Variants in NFIX observed in about 807,000 individuals in gnomAD.
The protein encoded by NFIX is nuclear factor 1 X-type.
NFIX carries 2 observed loss-of-function variants against 53.3 expected under a neutral mutation model. That is an observed-to-expected ratio of 0.04 (90% CI 0.02 to 0.12). The LOEUF (loss-of-function observed/expected upper bound fraction) is 0.12, where lower values mean the gene tolerates loss of function less well. Ranked by LOEUF, NFIX falls within the 10% of genes least tolerant of loss-of-function variation. The probability of loss-of-function intolerance (pLI) is 1.00; values close to 1 mark genes in which losing one functional copy is unlikely to be tolerated. For missense variants in NFIX, 310 were observed against 674.5 expected (o/e 0.46, Z 5.99); for synonymous variants, 244 against 289.0 (o/e 0.84, Z 1.58).
At chr19:13,054,670 C>A (rs2015538588) in intron 2 of NFIX, among the ~76,000 whole-genome samples, 1 of 152,134 alleles carries the variant, frequency 6.6e-6, no homozygotes, top group Admixed American at 6.5e-5. Context: ...CCCCCAGCCC[C>A]TCCTGGCATC....
chr19:13,087,917 G>A (rs2017884108), intron 8 of NFIX, 72 bp from the exon 9 acceptor site: 5 of 1,519,780 alleles, frequency 3.3e-6, no homozygotes, highest in Non-Finnish European at 3.5e-6. Flanking sequence ...GCGAGCTGGC[G>A]CGGCCGCGCA....
Position 13,002,378 on chromosome 19 carries a change from C to G in NFIX, c.27+6514C>G, listed in dbSNP as rs557794800. Reference sequence around the variant, plus strand: ...AAGAAGGGCTAGCTCCCCAACCCCCCCTTCCTCACCACCTCCCCCCTCCCG... The same window carrying G: ...AAGAAGGGCTAGCTCCCCAACCCCCGCTTCCTCACCACCTCCCCCCTCCCG... On this transcript the variant is annotated intron_variant, in intron 1 of 10. Coordinates refer to ENST00000592199, the MANE Select transcript of NFIX (RefSeq NM_001365902.3). The surrounding 1 kb of genome is among the most constrained non-coding windows in gnomAD (Gnocchi z 6.1). 4.3e-4 allele frequency among the ~76,000 whole-genome samples: 66 copies of G among 152,202 alleles called. No individual in the cohort carries two copies. Among genetic ancestry groups the G allele is most frequent in the Admixed American group, 4.6e-4 (7 of 15,304 alleles).
chr19:13,031,942 C>T (rs1280263302), intron 2 of NFIX, among the ~76,000 whole-genome samples: 1 of 152,174 alleles, frequency 6.6e-6, no homozygotes, highest in African/African-American at 2.4e-5. Context: ...CTCCCCACCC[C>T]TTTTTCTCTT....
In NFIX at chr19:13,045,645, G is replaced by A. The variant is rs1474071943; in HGVS notation, c.559+20093G>A. ...TCAGCAGTCTGTTGCCAGGGAGGTAGGAGAGAGGGGCAGCAGGCACACTGG... is the reference window on the plus strand; with the variant it reads ...TCAGCAGTCTGTTGCCAGGGAGGTAAGAGAGAGGGGCAGCAGGCACACTGG... On this transcript the variant is annotated intron_variant, in intron 2 of 10. Coordinates refer to ENST00000592199, the MANE Select transcript of NFIX (RefSeq NM_001365902.3). The surrounding 1 kb of genome is among the most constrained non-coding windows in gnomAD (Gnocchi z 4.4). 6.6e-6 allele frequency among the ~76,000 whole-genome samples: 1 copy of A among 152,204 alleles called. No individual in the cohort carries two copies. Among genetic ancestry groups the A allele is most frequent in the African/African-American group, 2.4e-5 (1 of 41,440 alleles).
At position 13,025,736 on chromosome 19, in the gene NFIX, C is replaced by T. The variant is rs796447037; in HGVS notation, c.559+184C>T. ...CCTTTTTCCTGTCTTCTGTCTCCCC[C>T]GACCTGTTCTATTCTTCCTCCTCTG... On this transcript the variant is annotated intron_variant, in intron 2 of 10. Transcript: ENST00000592199. This position sits in a 1 kb window ranked among gnomAD's most constrained non-coding sequence, Gnocchi z 7.5. Among the ~76,000 whole-genome samples the T allele has an allele frequency of 5.9e-5, 9 of 152,302 alleles. No homozygotes were observed. The highest frequency in any genetic ancestry group is 1.3e-4 in the Admixed American group (2 of 15,306).
rs779300624 is a variant in NFIX at position 13,087,985 on chromosome 19, G to A, written c.1255-4G>A. ...ATGCGTCACTCTATTTATGTTGTTC[G>A]CAGCCCAACGGTAGCGGCCAGGGCA... is the stretch of plus-strand genomic sequence containing the variant. On this transcript the variant is annotated splice_region_variant and splice_polypyrimidine_tract_variant and intron_variant, in intron 8 of 10. Transcript: ENST00000592199. The A allele has an allele frequency of 5.2e-6, 8 of 1,535,916 alleles. No individual in the cohort carries two copies. Among genetic ancestry groups the A allele is most frequent in the Non-Finnish European group, 7.0e-6 (8 of 1,146,858 alleles).
chr19:13,070,586 G>A (rs944797240), intron 2 of NFIX: 2 of 152,492 alleles, frequency 1.3e-5, no homozygotes, highest in Non-Finnish European at 2.9e-5. Flanking sequence ...TCCTGGAGCT[G>A]AGCTGAGCAT....
intron 2 of NFIX, among the ~76,000 whole-genome samples, chr19:13,048,132 G>A (rs181510551): frequency 2.0e-5 from 3 of 152,306 alleles, no homozygotes; most frequent in African/African-American, 4.8e-5. Flanking sequence ...ACCCACTAGC[G>A]AGCAGCAGCC....
intron 2 of NFIX, among the ~76,000 whole-genome samples, chr19:13,057,952 C>G (rs1430968335): frequency 6.6e-6 from 1 of 152,152 alleles, no homozygotes; most frequent in Non-Finnish European, 1.5e-5. Flanking sequence ...TTTGGCTCTG[C>G]TCCCAGAAGG....
At chr19:13,008,493 G>A (rs984750470) in intron 1 of NFIX, among the ~76,000 whole-genome samples, 1 of 152,188 alleles carries the variant, frequency 6.6e-6, no homozygotes, top group African/African-American at 2.4e-5. Context: ...CGGGTCCCGG[G>A]AGGAGCCCAT....
intron 2 of NFIX, among the ~76,000 whole-genome samples, chr19:13,035,148 G>C (rs2014093247): frequency 6.6e-6 from 1 of 152,196 alleles, no homozygotes; most frequent in African/African-American, 2.4e-5. Context: ...GATTCAGACA[G>C]AATGCCACCT....
At chr19:13,074,064 C>T (rs988518481) in intron 5 of NFIX, 38 bp downstream of exon 5, 45 of 1,612,652 alleles carry the variant, frequency 2.8e-5, no homozygotes, top group Non-Finnish European at 3.7e-5. Flanking sequence ...CTTCTCTCCA[C>T]TCCCCCCAGG....
rs75193052 is a variant in NFIX, at chr19:13,040,646, A to G, written c.559+15094A>G. 0.016 allele frequency among the ~76,000 whole-genome samples: 2,467 copies of G among 152,306 alleles called. 84 individuals are homozygous for G. Among genetic ancestry groups the G allele is most frequent in the African/African-American group, 0.057 (2,379 of 41,560 alleles). ...CCCTTCAGTCTGGGCCTCTCGGGTC[A>G]GAGATGACTGCCGTCCTCCAGCTGG... On this transcript the variant is annotated intron_variant, in intron 2 of 10. Transcript: ENST00000592199. The surrounding 1 kb of genome is among the most constrained non-coding windows in gnomAD (Gnocchi z 4.2).
rs180949808 is a variant in NFIX at position 13,072,854 on chromosome 19, G to T, written c.560-193G>T. On this transcript the variant is annotated intron_variant, in intron 2 of 10. Coordinates refer to ENST00000592199, the MANE Select transcript of NFIX (RefSeq NM_001365902.3). The surrounding 1 kb of genome is among the most constrained non-coding windows in gnomAD (Gnocchi z 4.0). ...GCTGAGGCTGAGAAACCTGCACTGG[G>T]CCTGTCTTTCCTTCTCTGCTTTGGG... Among the ~76,000 whole-genome samples, 1 of 152,290 alleles carries T rather than the reference G, an allele frequency of 6.6e-6. No individual in the cohort carries two copies. Among genetic ancestry groups the T allele is most frequent in the African/African-American group, 2.4e-5 (1 of 41,562 alleles).
In NFIX at chr19:13,093,402, T is replaced by C. The variant is rs1238911882; in HGVS notation, c.1495-1233T>C. Among the ~76,000 whole-genome samples the C allele has an allele frequency of 6.6e-6, 1 of 152,244 alleles. No homozygotes were observed. The highest frequency in any genetic ancestry group is 1.5e-5 in the Non-Finnish European group (1 of 68,038). ...TTCTGTTTGGGCTTCTGGCTTCTTT[T>C]GAAAAGTTGGCAGATGAGCTGCCCT... On this transcript the variant is annotated intron_variant, in intron 10 of 10. Transcript: ENST00000592199. The surrounding 1 kb of genome is among the most constrained non-coding windows in gnomAD (Gnocchi z 4.7).
At chr19:13,041,430 C>T (rs2014611604) in intron 2 of NFIX, among the ~76,000 whole-genome samples, 1 of 152,096 alleles carries the variant, frequency 6.6e-6, no homozygotes, top group Admixed American at 6.5e-5. Flanking sequence ...GTTGCATTTT[C>T]CCTTACTTAT....
At chr19:13,082,821 T>C (rs899051205) in intron 8 of NFIX, among the ~76,000 whole-genome samples, 2 of 152,108 alleles carry the variant, frequency 1.3e-5, no homozygotes, top group Non-Finnish European at 2.9e-5. Flanking sequence ...CTGCGAGAGG[T>C]CAGGCAGGGA....
intron 1 of NFIX, among the ~76,000 whole-genome samples, chr19:13,007,128 C>A (rs1359069242): frequency 6.6e-6 from 1 of 152,180 alleles, no homozygotes; most frequent in Non-Finnish European, 1.5e-5. Flanking sequence ...CTTCCTCCCC[C>A]TCTCGCCTGC....
intron 1 of NFIX, among the ~76,000 whole-genome samples, chr19:13,003,907 T>C (rs1041391825): frequency 1.3e-5 from 2 of 152,130 alleles, no homozygotes; most frequent in African/African-American, 4.8e-5. Flanking sequence ...CCCAAGTAGC[T>C]GGGACTACAG....
Sources: gnomAD v4.1 joint callset for allele counts (sites outside exome capture counted in the v4.1 genomes callset) on GRCh38, gnomAD v4.1.1 for gene constraint, Gnocchi (gnomAD v3.1) non-coding constraint, MANE v1.5 for transcripts, NCBI Gene and HGNC (gene_info 2026-07-23, HGNC 2026-07-21) for gene names.